The following GUCY2C variants were observed in gnomAD, a reference collection of about 807,000 sequenced individuals.
GUCY2C encodes the protein guanylate cyclase 2C, also known as guanylyl cyclase C.
In GUCY2C, 118 loss-of-function variants were observed where a neutral mutation model predicts 131.1. The observed-to-expected ratio is 0.90, with a 90% CI of 0.78 to 1.05. The LOEUF (loss-of-function observed/expected upper bound fraction) is 1.05. Among genes scored for constraint, GUCY2C ranks in the 50% least tolerant of loss-of-function variants. The probability of loss-of-function intolerance (pLI) is 0.00; values close to 1 mark genes in which losing one functional copy is unlikely to be tolerated. For missense variants in GUCY2C, 1,161 were observed against 1,304.4 expected (o/e 0.89, Z 1.69); for synonymous variants, 452 against 457.8 (o/e 0.99, Z 0.16).
chr12:14,688,034 T>G lies in GUCY2C; in HGVS notation c.247A>C (p.Met83Leu). 1 of 1,613,624 alleles carries G rather than the reference T, an allele frequency of 6.2e-7. No homozygotes were observed. Reference sequence around the variant, plus strand: ...TTATGAATCAGACCATCCGAATACATGAAAGTAGCGTTCACAGTCACATTT... The same window carrying G: ...TTATGAATCAGACCATCCGAATACAGGAAAGTAGCGTTCACAGTCACATTT... ...GLNVTVNATF[M>L]YSDGLIHNSG... The change falls in exon 2 of 27, where the codon ATG becomes CTG. Residue 83 changes from methionine (M) to leucine (L), a missense_variant. Met to Leu is a conservative substitution (Grantham distance 15). Coordinates refer to ENST00000261170, the MANE Select transcript of GUCY2C (RefSeq NM_004963.4).
At chr12:14,648,832 G>A (rs974750425) in intron 15 of GUCY2C, among the ~76,000 whole-genome samples, 3 of 152,184 alleles carry the variant, frequency 2.0e-5, no homozygotes, top group African/African-American at 7.2e-5. Flanking sequence ...ACAGGGGTGG[G>A]ACTAGGGAGT....
At position 14,676,888 on chromosome 12, in the gene GUCY2C, A is replaced by G; in HGVS notation, c.914T>C (p.Leu305Pro). The change falls in exon 7 of 27, where the codon CTT becomes CCT. Residue 305 changes from leucine to proline, a missense_variant. Leu to Pro is a moderately conservative substitution (Grantham distance 98). Coordinates refer to ENST00000261170, the MANE Select transcript of GUCY2C (RefSeq NM_004963.4). ...ATTCCTGGAGAAAGAGCTATTTAGAAGGGAATTCCCAGGAGACAGCGTCAG... is the reference window on the plus strand; with the variant it reads ...ATTCCTGGAGAAAGAGCTATTTAGAGGGGAATTCCCAGGAGACAGCGTCAG... ...LVLTLSPGNSLLNSSFSRNLS... is the reference protein window; with the variant it reads ...LVLTLSPGNSPLNSSFSRNLS... The G allele has an allele frequency of 6.5e-7, 1 of 1,540,634 alleles. No individual in the cohort carries two copies. Among genetic ancestry groups the G allele is most frequent in the Non-Finnish European group, 8.9e-7 (1 of 1,126,528 alleles).
At chr12:14,674,506 A>G (rs549205898) in intron 8 of GUCY2C, 119 bp downstream of exon 8, 1 of 892,718 alleles carries the variant, frequency 1.1e-6, no homozygotes, top group South Asian at 1.3e-5. Context: ...CATCCAGTTG[A>G]GTTCAAAGGG....
intron 20 of GUCY2C, among the ~76,000 whole-genome samples, chr12:14,627,890 T>A (rs911600765): frequency 6.6e-6 from 1 of 152,214 alleles, no homozygotes; most frequent in Non-Finnish European, 1.5e-5. Flanking sequence ...CTCCTCCAGC[T>A]CTAGACTTTT....
intron 10 of GUCY2C, chr12:14,665,697 G>C (rs1334646446): frequency 1.3e-5 from 2 of 152,170 alleles, no homozygotes; most frequent in East Asian, 3.8e-4. Context: ...CTATTTCCCA[G>C]GTGCTCAGAA....
chr12:14,675,207 C>CAAAAAAAAAA (rs35870014), intron 7 of GUCY2C, among the ~76,000 whole-genome samples: 28 of 34,638 alleles, frequency 8.1e-4, no homozygotes, highest in East Asian at 2.7e-3. Flanking sequence ...AACTCCATCT[C>CAAAAAAAAAA]AAAAAAAAAA....
At chr12:14,625,637 G>T in intron 21 of GUCY2C, 120 bp downstream of exon 21, 1 of 1,022,542 alleles carries the variant, frequency 9.8e-7, no homozygotes, top group Non-Finnish European at 1.4e-6. Flanking sequence ...CTGGCAGTAC[G>T]TGCATTTTAA....
At chr12:14,625,683 C>A in intron 21 of GUCY2C, 74 bp downstream of exon 21, 2 of 1,445,084 alleles carry the variant, frequency 1.4e-6, no homozygotes, top group East Asian at 2.3e-5. Context: ...TAAAAGGAAA[C>A]AAATCCTATA....
At chr12:14,628,795 G>T in intron 19 of GUCY2C, 58 bp from the exon 20 acceptor site, 3 of 867,636 alleles carry the variant, frequency 3.5e-6, no homozygotes, top group Non-Finnish European at 6.0e-6. Context: ...AATCAAGAGA[G>T]AATTCTTATT....
chr12:14,692,935 A>G (rs1948599943), intron 1 of GUCY2C, among the ~76,000 whole-genome samples: 1 of 152,138 alleles, frequency 6.6e-6, no homozygotes, highest in African/African-American at 2.4e-5. Flanking sequence ...CTGCCTCTCA[A>G]TATTTTACTT....
At chr12:14,664,333 A>G (rs1167966785) in intron 10 of GUCY2C, among the ~76,000 whole-genome samples, 1 of 152,090 alleles carries the variant, frequency 6.6e-6, no homozygotes, top group African/African-American at 2.4e-5. Context: ...CAAGAAATAC[A>G]TTTTCAACAG....
chr12:14,674,503 T>C (rs749442285), intron 8 of GUCY2C, 122 bp downstream of exon 8: 1 of 883,636 alleles, frequency 1.1e-6, no homozygotes, highest in Non-Finnish European at 1.9e-6. Context: ...TTGCATCCAG[T>C]TGAGTTCAAA....
At chr12:14,636,585 A>G (rs1168952611) in intron 19 of GUCY2C, among the ~76,000 whole-genome samples, 1 of 152,176 alleles carries the variant, frequency 6.6e-6, no homozygotes, top group Non-Finnish European at 1.5e-5. Flanking sequence ...GGAACTAGAC[A>G]AGGATGCCCA....
At chr12:14,681,177 G>A (rs1201661168) in intron 5 of GUCY2C, among the ~76,000 whole-genome samples, 179 bp downstream of exon 5, 1 of 152,090 alleles carries the variant, frequency 6.6e-6, no homozygotes, top group East Asian at 1.9e-4. Context: ...AAGGTTTTTA[G>A]TCAATGAAAG....
rs562365989 is a variant in GUCY2C, at chr12:14,674,939, G to A, written c.949-179C>T. On this transcript the variant is annotated intron_variant, in intron 7 of 26. Transcript: ENST00000261170. Reference sequence around the variant, plus strand: ...AACTCTTCCTTGGAGGCCGGGTGAGGTGGATCATGTCTGTAAACCCAGCAT... The same window carrying A: ...AACTCTTCCTTGGAGGCCGGGTGAGATGGATCATGTCTGTAAACCCAGCAT... Among the ~76,000 whole-genome samples, 7 of 152,040 alleles carry A rather than the reference G, an allele frequency of 4.6e-5. No individual in the cohort carries two copies. The South Asian group carries it at 1.5e-3, about 32-fold the overall frequency.
chr12:14,686,388 A>G (rs117409471), intron 2 of GUCY2C, among the ~76,000 whole-genome samples, 163 bp from the exon 3 acceptor site: 2 of 152,224 alleles, frequency 1.3e-5, no homozygotes, highest in Non-Finnish European at 2.9e-5. Context: ...ACAAGGATCA[A>G]CTGAGGCATG....
In GUCY2C at chr12:14,628,602, A is replaced by T. The variant is rs537077768; in HGVS notation, c.2249+44T>A. 179 of 1,021,386 alleles carry T rather than the reference A, an allele frequency of 1.8e-4. 6 individuals are homozygous for T. In the South Asian group the frequency reaches 2.2e-3, roughly 13 times the overall value. 63.3% of individuals were successfully genotyped at this position (1,021,386 alleles called of 1,614,324 possible). On this transcript the variant is annotated intron_variant, in intron 20 of 26. Coordinates refer to ENST00000261170, the MANE Select transcript of GUCY2C (RefSeq NM_004963.4). ...ACTGAATGTCAACTATAATTTTTTTAAAACCCTGCAATTAGTGAATAAAAG... is the reference window on the plus strand; with the variant it reads ...ACTGAATGTCAACTATAATTTTTTTTAAACCCTGCAATTAGTGAATAAAAG...
At chr12:14,624,780 A>T (rs536704749) in intron 21 of GUCY2C, among the ~76,000 whole-genome samples, 37 of 152,366 alleles carry the variant, frequency 2.4e-4, no homozygotes, top group Non-Finnish European at 5.0e-4. Flanking sequence ...CTAGTAGTCC[A>T]AGTGGCATAT....
chr12:14,683,856 T>G (rs1948403675), intron 3 of GUCY2C, among the ~76,000 whole-genome samples: 1 of 152,236 alleles, frequency 6.6e-6, no homozygotes, highest in African/African-American at 2.4e-5. Flanking sequence ...GTTTTTCATT[T>G]ATTTTAGTGT....
Sources: gnomAD v4.1 joint callset for allele counts (sites outside exome capture counted in the v4.1 genomes callset) on GRCh38, gnomAD v4.1.1 for gene constraint, MANE v1.5 for transcripts, NCBI Gene and HGNC (gene_info 2026-07-23, HGNC 2026-07-21) for gene names.